The following PSD3 variants were observed in gnomAD, a reference collection of about 807,000 sequenced individuals.
The protein encoded by PSD3 is PH and SEC7 domain-containing protein 3.
In PSD3, 49 loss-of-function variants were observed where a neutral mutation model predicts 105.5. That is an observed-to-expected ratio of 0.46 (90% CI 0.37 to 0.59). PSD3 has a LOEUF of 0.59. PSD3 is among the 20% of genes least tolerant of loss of function. The probability of loss-of-function intolerance (pLI) is 0.00; values close to 1 mark genes in which losing one functional copy is unlikely to be tolerated. For missense variants in PSD3, 1,561 were observed against 1,263.8 expected (o/e 1.24, Z -3.57); for synonymous variants, 557 against 457.8 (o/e 1.22, Z -2.77).
chr8:19,020,333 C>A (rs1465324068), intron 1 of PSD3, among the ~76,000 whole-genome samples: 2 of 152,088 alleles, frequency 1.3e-5, no homozygotes, highest in Non-Finnish European at 2.9e-5. Context: ...GAGAAGACTT[C>A]ACTGAGAGGT....
At chr8:18,951,601 T>G (rs1823238925) in intron 1 of PSD3, among the ~76,000 whole-genome samples, 1 of 152,340 alleles carries the variant, frequency 6.6e-6, no homozygotes, top group South Asian at 2.1e-4. Flanking sequence ...ACATTGTTAG[T>G]TGCTTTTATC....
rs570589481 is a variant in PSD3, at chr8:18,601,068, A to G, written c.2411-634T>C. 3.3e-5 allele frequency among the ~76,000 whole-genome samples: 5 copies of G among 152,326 alleles called. 1 individual carries two copies. Among genetic ancestry groups the G allele is most frequent in the South Asian group, 4.1e-4 (2 of 4,820 alleles). ...TATGACTTGACAGGAGGTATCCTTC[A>G]TCTTTAGAATTCACCAAATCGAGTA... On this transcript the variant is annotated intron_variant, in intron 11 of 15. Transcript: ENST00000327040.
At chr8:18,740,479 G>C (rs1260814826) in intron 9 of PSD3, among the ~76,000 whole-genome samples, 1 of 152,040 alleles carries the variant, frequency 6.6e-6, no homozygotes, top group Non-Finnish European at 1.5e-5. Context: ...TGTTCTCTAA[G>C]GGCCCTTTTA....
At chr8:18,677,586 T>C (rs546420888) in intron 9 of PSD3, among the ~76,000 whole-genome samples, 1 of 152,224 alleles carries the variant, frequency 6.6e-6, no homozygotes, top group African/African-American at 2.4e-5. Context: ...ACTCAAGTCA[T>C]CAACTTAAGG....
intron 2 of PSD3, among the ~76,000 whole-genome samples, chr8:18,903,753 C>T (rs975170487): frequency 6.6e-6 from 1 of 152,142 alleles, no homozygotes; most frequent in Admixed American, 6.5e-5. Context: ...CCCTAGGATG[C>T]AGGCTGCTGC....
At chr8:18,728,981 C>G (rs1353095861) in intron 9 of PSD3, among the ~76,000 whole-genome samples, 1 of 152,134 alleles carries the variant, frequency 6.6e-6, no homozygotes, top group Non-Finnish European at 1.5e-5. Context: ...TTCTCTGTAT[C>G]TCAAAATGTC....
intron 8 of PSD3, among the ~76,000 whole-genome samples, chr8:18,784,338 A>C (rs952602160): frequency 2.0e-5 from 3 of 152,170 alleles, no homozygotes; most frequent in African/African-American, 4.8e-5. Flanking sequence ...AAGGAATAAG[A>C]CTTTTTCCCT....
chr8:18,759,808 TCA>T (rs1282403968), intron 9 of PSD3, among the ~76,000 whole-genome samples: 1 of 152,072 alleles, frequency 6.6e-6, no homozygotes, highest in Non-Finnish European at 1.5e-5. Context: ...CATTTATTTC[TCA>T]GTTTCTTCCC....
At chr8:18,705,017 C>T (rs978606756) in intron 9 of PSD3, among the ~76,000 whole-genome samples, 5 of 151,870 alleles carry the variant, frequency 3.3e-5, no homozygotes, top group East Asian at 1.9e-4. Flanking sequence ...AAATGCAAAT[C>T]GAGACAATGA....
chr8:18,619,641 C>T (rs1305827684), intron 11 of PSD3, among the ~76,000 whole-genome samples: 2 of 147,374 alleles, frequency 1.4e-5, no homozygotes, highest in African/African-American at 5.0e-5. Flanking sequence ...GAAACCTCAT[C>T]TCAAAAAAAA....
chr8:18,799,461 C>G, intron 7 of PSD3, 108 bp from the exon 8 acceptor site: 1 of 862,776 alleles, frequency 1.2e-6, no homozygotes, highest in Non-Finnish European at 1.9e-6. Flanking sequence ...CAGTACTGTG[C>G]TAGGTACAAT....
chr8:18,912,583 G>A (rs1402243253), intron 2 of PSD3, among the ~76,000 whole-genome samples: 1 of 152,126 alleles, frequency 6.6e-6, no homozygotes, highest in Admixed American at 6.6e-5. Flanking sequence ...ATCATTTTGT[G>A]CCTGTTAATG....
At chr8:18,574,888 G>T (rs748937405) in intron 13 of PSD3, among the ~76,000 whole-genome samples, 2 of 152,154 alleles carry the variant, frequency 1.3e-5, no homozygotes, top group African/African-American at 2.4e-5. Flanking sequence ...GAATTCTAGA[G>T]ATGGTAAGTG....
chr8:18,608,278 C>T (rs1408395855), intron 11 of PSD3, among the ~76,000 whole-genome samples: 3 of 152,310 alleles, frequency 2.0e-5, no homozygotes, highest in East Asian at 1.9e-4. Context: ...GGGAAAAGCA[C>T]TGTTCCAGTC....
At chr8:18,709,782 A>C (rs776118819) in intron 9 of PSD3, among the ~76,000 whole-genome samples, 4 of 152,164 alleles carry the variant, frequency 2.6e-5, no homozygotes, top group African/African-American at 7.2e-5. Context: ...TTAAAAGAAA[A>C]ACAGAAAGCA....
At chr8:18,740,990 T>C (rs2129434478) in intron 9 of PSD3, among the ~76,000 whole-genome samples, 1 of 152,230 alleles carries the variant, frequency 6.6e-6, no homozygotes, top group Non-Finnish European at 1.5e-5. Context: ...TAAGTCCTGG[T>C]GCAAAGCCAA....
chr8:18,835,508 T>C (rs1161639812), intron 4 of PSD3, among the ~76,000 whole-genome samples: 1 of 152,204 alleles, frequency 6.6e-6, no homozygotes, highest in East Asian at 1.9e-4. Flanking sequence ...CAAAAATCCC[T>C]GCCCTCGTGG....
chr8:18,909,467 CTTA>C (rs919304654), intron 2 of PSD3, among the ~76,000 whole-genome samples: 1 of 151,792 alleles, frequency 6.6e-6, no homozygotes, highest in South Asian at 2.1e-4. Context: ...TTTTCTTCTT[CTTA>C]TTATTATTAT....
chr8:18,618,525 C>T (rs1464584301), intron 11 of PSD3, among the ~76,000 whole-genome samples: 4 of 150,886 alleles, frequency 2.7e-5, no homozygotes, highest in South Asian at 2.2e-4. Flanking sequence ...TCATATTTTA[C>T]TTATTAAACA....
Sources: gnomAD v4.1 joint callset for allele counts (sites outside exome capture counted in the v4.1 genomes callset) on GRCh38, gnomAD v4.1.1 for gene constraint, MANE v1.5 for transcripts, NCBI Gene and HGNC (gene_info 2026-07-23, HGNC 2026-07-21) for gene names.